Variants in HLCS observed in about 807,000 individuals in gnomAD.
HLCS encodes holocarboxylase synthetase, also known as biotin--protein ligase.
Under a neutral mutation model 75.0 loss-of-function variants are expected in HLCS, and 53 were observed. That is an observed-to-expected ratio of 0.71 (90% CI 0.57 to 0.89). The LOEUF (loss-of-function observed/expected upper bound fraction) is 0.89, where lower values mean the gene tolerates loss of function less well. Ranked by LOEUF, HLCS falls within the 40% of genes least tolerant of loss-of-function variation. The pLI, the probability that HLCS is intolerant of heterozygous loss-of-function variation, is 0.00. For synonymous variants in HLCS, 431 were observed against 428.6 expected, an observed-to-expected ratio of 1.01 and a Z score of -0.07; for missense variants, 966 against 1,074.0, an observed-to-expected ratio of 0.90 and a Z score of 1.41.
intron 6 of HLCS, among the ~76,000 whole-genome samples, chr21:36,810,233 G>A (rs1352910866): frequency 6.6e-6 from 1 of 152,204 alleles, no homozygotes; most frequent in Non-Finnish European, 1.5e-5. Flanking sequence ...GTAGAGGTTT[G>A]GGATTTTGCG....
At chr21:36,959,981 G>A (rs568867680) in intron 2 of HLCS, among the ~76,000 whole-genome samples, 2 of 152,236 alleles carry the variant, frequency 1.3e-5, no homozygotes, top group Admixed American at 6.5e-5. Context: ...CCCAAGCCAA[G>A]GCTGTAAACA....
intron 5 of HLCS, among the ~76,000 whole-genome samples, chr21:36,909,347 AT>A (rs1188873272): frequency 2.0e-5 from 3 of 152,214 alleles, no homozygotes; most frequent in Non-Finnish European, 4.4e-5. Flanking sequence ...AATAAAGTTG[AT>A]TTTTTAAAAA....
intron 10 of HLCS, among the ~76,000 whole-genome samples, chr21:36,755,962 T>G (rs2089552395): frequency 6.6e-6 from 1 of 152,202 alleles, no homozygotes; most frequent in South Asian, 2.1e-4. Flanking sequence ...AGAATCAGAT[T>G]AAACCAATGT....
chr21:36,838,476 C>T (rs999043192), intron 6 of HLCS, among the ~76,000 whole-genome samples: 1 of 152,074 alleles, frequency 6.6e-6, no homozygotes, highest in African/African-American at 2.4e-5. Flanking sequence ...GAGGCCGAGG[C>T]GGGCAGATCA....
At chr21:36,909,127 G>T (rs1319585447) in intron 5 of HLCS, among the ~76,000 whole-genome samples, 2 of 152,114 alleles carry the variant, frequency 1.3e-5, no homozygotes, top group Admixed American at 1.3e-4. Flanking sequence ...AACCTCGGAA[G>T]CGGAGTTTGC....
Position 36,764,654 on chromosome 21 carries a change from G to A in HLCS, c.2121+358C>T, listed in dbSNP as rs938221778. ...TGGAAGGTGGAGGTTGCAGTGAGCC[G>A]AGATAGTGCCACTGCACTCCAGCGT... On this transcript the variant is annotated intron_variant, in intron 8 of 10. Coordinates refer to ENST00000674895, the MANE Select transcript of HLCS (RefSeq NM_001352514.2). Among the ~76,000 whole-genome samples, 5 of 152,166 alleles carry A rather than the reference G, an allele frequency of 3.3e-5. No homozygotes were observed. In the South Asian group the frequency reaches 6.2e-4, roughly 19 times the overall value.
intron 6 of HLCS, among the ~76,000 whole-genome samples, chr21:36,799,731 A>G (rs890839754): frequency 6.6e-6 from 1 of 152,190 alleles, no homozygotes; most frequent in African/African-American, 2.4e-5. Flanking sequence ...ATCTGTAAGC[A>G]GTGCCAACAA....
At chr21:36,853,132 G>A (rs1454098605) in intron 6 of HLCS, among the ~76,000 whole-genome samples, 3 of 152,138 alleles carry the variant, frequency 2.0e-5, no homozygotes, top group Non-Finnish European at 4.4e-5. Context: ...CCTTCAAACT[G>A]CAGTAAAACA....
intron 6 of HLCS, among the ~76,000 whole-genome samples, chr21:36,853,075 G>A (rs1350793868): frequency 3.3e-5 from 5 of 152,198 alleles, no homozygotes; most frequent in Admixed American, 3.3e-4. Context: ...CTATCACCTC[G>A]AGATTCTCAT....
chr21:36,776,375 CA>C (rs1413575896), intron 6 of HLCS, among the ~76,000 whole-genome samples: 1 of 151,770 alleles, frequency 6.6e-6, no homozygotes, highest in Non-Finnish European at 1.5e-5. Flanking sequence ...GATTATAGTA[CA>C]ATCACGGAAA....
Position 36,885,115 on chromosome 21 carries a change from T to C in HLCS, c.1892+11745A>G, listed in dbSNP as rs560703968. Among the ~76,000 whole-genome samples, 8 of 152,344 alleles carry C rather than the reference T, an allele frequency of 5.3e-5. No homozygotes were observed. The South Asian group carries it at 1.0e-3, about 20-fold the overall frequency. On this transcript the variant is annotated intron_variant, in intron 6 of 10. Transcript: ENST00000674895. ...TCTCATCTTTCAAAAAAAGTTGGAC[T>C]AAAATATTTTTGGCACAACAGTAAC...
At chr21:36,817,681 G>A (rs1169954024) in intron 6 of HLCS, among the ~76,000 whole-genome samples, 1 of 152,202 alleles carries the variant, frequency 6.6e-6, no homozygotes, top group Non-Finnish European at 1.5e-5. Flanking sequence ...AAACTGTGTG[G>A]ATTTGGTATA....
At chr21:36,899,017 C>T (rs934611015) in intron 5 of HLCS, among the ~76,000 whole-genome samples, 9 of 151,998 alleles carry the variant, frequency 5.9e-5, no homozygotes, top group African/African-American at 2.2e-4. Context: ...GCCAAGATGG[C>T]GCCACTGCAC....
chr21:36,782,758 C>T (rs909449307), intron 6 of HLCS, among the ~76,000 whole-genome samples: 6 of 152,250 alleles, frequency 3.9e-5, no homozygotes, highest in South Asian at 2.1e-4. Flanking sequence ...CACCTGAGGT[C>T]AGGAGTTTGA....
intron 6 of HLCS, among the ~76,000 whole-genome samples, chr21:36,874,031 C>G (rs2063864295): frequency 6.6e-6 from 1 of 152,168 alleles, no homozygotes. Context: ...CGATTTTTCA[C>G]TTCTGTATTA....
Position 36,940,940 on chromosome 21 carries a change from G to A in HLCS, c.331-1946C>T, listed in dbSNP as rs1467640772. Among the ~76,000 whole-genome samples the A allele has an allele frequency of 7.9e-5, 12 of 152,262 alleles. 2 individuals are homozygous for A. In the South Asian group the frequency reaches 1.9e-3, roughly 24 times the overall value. On this transcript the variant is annotated intron_variant, in intron 2 of 10. Transcript: ENST00000674895. ...CTTTTGAAGTGTTTGGGCTGGGCGC[G>A]GTGGTTCATACCTGTAATCCCAGCA...
chr21:36,955,442 T>G lies in HLCS; in HGVS notation c.330+6594A>C, dbSNP rs2067888760. Among the ~76,000 whole-genome samples, 5 of 152,040 alleles carry G rather than the reference T, an allele frequency of 3.3e-5. No homozygotes were observed. The South Asian group carries it at 1.0e-3, about 32-fold the overall frequency. On this transcript the variant is annotated intron_variant, in intron 2 of 10. Coordinates refer to ENST00000674895, the MANE Select transcript of HLCS (RefSeq NM_001352514.2). ...TTGTATGTTCACAAATTTGTAGAGA[T>G]AAATAAATGAAAATAAGAATAAAAT... is the stretch of plus-strand genomic sequence containing the variant.
chr21:36,870,483 A>G (rs1420566071), intron 6 of HLCS, among the ~76,000 whole-genome samples: 1 of 152,194 alleles, frequency 6.6e-6, no homozygotes, highest in Non-Finnish European at 1.5e-5. Context: ...CCATATAATT[A>G]TTAATTTTAA....
chr21:36,816,035 CTG>C (rs1569050074), intron 6 of HLCS, among the ~76,000 whole-genome samples: 1 of 152,118 alleles, frequency 6.6e-6, no homozygotes, highest in Admixed American at 6.6e-5. Flanking sequence ...TTGTGGGAAA[CTG>C]TTTTTCTTTA....
Sources: allele counts gnomAD v4.1 joint callset (sites outside exome capture counted in the v4.1 genomes callset), GRCh38; gene constraint gnomAD v4.1.1; transcripts MANE v1.5; gene names NCBI Gene and HGNC (gene_info 2026-07-23, HGNC 2026-07-21).